ATP6V1E2: variants seen among roughly 807,000 people sequenced by gnomAD.
ATP6V1E2 encodes ATPase H+ transporting V1 subunit E2.
For synonymous variants in ATP6V1E2, 121 were observed against 104.2 expected, an observed-to-expected ratio of 1.16 and a Z score of -0.98; for missense variants, 308 against 273.3, an observed-to-expected ratio of 1.13 and a Z score of -0.90.
intron 4 of ATP6V1E2, among the ~76,000 whole-genome samples, chr2:46,532,412 T>C (rs1234307888): frequency 6.6e-6 from 1 of 152,016 alleles, no homozygotes; most frequent in Non-Finnish European, 1.5e-5. Context: ...TTTATGTATG[T>C]ATTTATTTAT....
At chr2:46,529,798 T>C (rs898701290) in intron 4 of ATP6V1E2, among the ~76,000 whole-genome samples, 1 of 152,012 alleles carries the variant, frequency 6.6e-6, no homozygotes, top group Non-Finnish European at 1.5e-5. Flanking sequence ...TAACAATTTA[T>C]TGAACCCATG....
rs117736201 is a variant in ATP6V1E2, at chr2:46,521,138, T to C, written c.-101-8326A>G. On this transcript the variant is annotated intron_variant, in intron 4 of 4. Transcript: ENST00000522587. ...TTTTGCTGAGGCCGATATCAAATTC[T>C]TGGGCTCAAGCAATCCTCCCACCTT... 2.7e-3 allele frequency among the ~76,000 whole-genome samples: 407 copies of C among 152,320 alleles called. 14 individuals carry two copies. In the South Asian group the frequency reaches 0.059, roughly 22 times the overall value.
chr2:46,516,740 T>TA (rs36060544), intron 4 of ATP6V1E2, among the ~76,000 whole-genome samples: 44,166 of 150,668 alleles, frequency 0.29, 7,215 homozygotes, highest in Non-Finnish European at 0.38. Flanking sequence ...AACTCTATAT[T>TA]AAAAAAAAAA....
intron 4 of ATP6V1E2, among the ~76,000 whole-genome samples, chr2:46,518,492 C>A (rs201658506): frequency 3.6e-5 from 1 of 28,058 alleles, no homozygotes; most frequent in Non-Finnish European, 6.4e-5. Flanking sequence ...ACACACACAA[C>A]ACACACACAC....
chr2:46,520,802 G>A (rs1349417015), intron 4 of ATP6V1E2, among the ~76,000 whole-genome samples: 1 of 151,954 alleles, frequency 6.6e-6, no homozygotes, highest in Non-Finnish European at 1.5e-5. Flanking sequence ...GCAGATAGGT[G>A]TTCATTTAAC....
chr2:46,541,030 G>C lies in ATP6V1E2; in HGVS notation c.-310+360C>G, dbSNP rs560653964. Among the ~76,000 whole-genome samples, 14 of 152,344 alleles carry C rather than the reference G, an allele frequency of 9.2e-5. No individual in the cohort carries two copies. In the South Asian group the frequency reaches 2.7e-3, roughly 29 times the overall value. ...GGTAACACTGCTAACCAGGGTCAGA[G>C]CTAGGACCAAACTCAGCTCTCCTGG... is the stretch of plus-strand genomic sequence containing the variant. On this transcript the variant is annotated intron_variant, in intron 2 of 4. Coordinates refer to ENST00000522587, the MANE Select transcript of ATP6V1E2 (RefSeq NM_001318063.2).
At position 46,518,490 on chromosome 2, in the gene ATP6V1E2, A is replaced by AACACACACACACACACACAC. The variant is rs10546147; in HGVS notation, c.-101-5698_-101-5679dup. ...AAACATTTGTTACACACACACACAC[A>AACACACACACACACACACAC]ACACACACACACACACACACACACA... is the stretch of plus-strand genomic sequence containing the variant. On this transcript the variant is annotated intron_variant, in intron 4 of 4. Transcript: ENST00000522587. Among the ~76,000 whole-genome samples, 899 of 140,956 alleles carry AACACACACACACACACACAC rather than the reference A, an allele frequency of 6.4e-3. 6 individuals carry two copies. Among genetic ancestry groups the AACACACACACACACACACAC allele is most frequent in the African/African-American group, 0.014 (546 of 38,134 alleles). The allele number at this position is 140,956 out of a possible 152,430, so 92.5% of individuals were successfully genotyped here.
intron 4 of ATP6V1E2, among the ~76,000 whole-genome samples, chr2:46,524,045 T>C (rs574377018): frequency 6.6e-6 from 1 of 152,286 alleles, no homozygotes; most frequent in African/African-American, 2.4e-5. Flanking sequence ...CTATTGTTAG[T>C]GTAAAGGAAT....
At chr2:46,527,044 T>C (rs1468454402) in intron 4 of ATP6V1E2, among the ~76,000 whole-genome samples, 1 of 152,156 alleles carries the variant, frequency 6.6e-6, no homozygotes, top group East Asian at 1.9e-4. Flanking sequence ...ACTTGCTGTT[T>C]TCTGGTTTTG....
At chr2:46,538,967 T>G (rs911952239) in intron 2 of ATP6V1E2, among the ~76,000 whole-genome samples, 3 of 151,944 alleles carry the variant, frequency 2.0e-5, no homozygotes, top group Non-Finnish European at 4.4e-5. Flanking sequence ...AGACTCTGTC[T>G]CAAAAACACA....
intron 4 of ATP6V1E2, chr2:46,518,874 G>A (rs914592315): frequency 6.6e-6 from 1 of 151,270 alleles, no homozygotes; most frequent in Non-Finnish European, 1.5e-5. Context: ...AATGAAAGCA[G>A]ACATAGTACA....
chr2:46,528,736 C>T (rs1297662960), intron 4 of ATP6V1E2, among the ~76,000 whole-genome samples: 6 of 152,236 alleles, frequency 3.9e-5, no homozygotes, highest in African/African-American at 1.4e-4. Context: ...GACAATCTGC[C>T]TCAATTCACC....
rs73927880 is a variant in ATP6V1E2 at position 46,532,182 on chromosome 2, G to A, written c.-102+3631C>T. On this transcript the variant is annotated intron_variant, in intron 4 of 4. Transcript: ENST00000522587. ...GGTTGTCAATTCATTTTGAGTAAAT[G>A]TCTGTATATGTTGAGAGGGAAAGAT... Among the ~76,000 whole-genome samples, 275 of 152,198 alleles carry A rather than the reference G, an allele frequency of 1.8e-3. 2 individuals are homozygous for A. The highest frequency in any genetic ancestry group is 6.2e-3 in the African/African-American group (259 of 41,544).
rs764827891 is a variant in ATP6V1E2, at chr2:46,512,632, G to T, written c.80C>A (p.Ala27Glu). The change falls in exon 5 of 5, where the codon GCA becomes GAA. Residue 27 changes from alanine (A) to glutamate (E), a missense_variant. Transcript: ENST00000522587. ...AFIEQEANEK[A>E]EEIDAKAEEE... is the part of the protein sequence containing the mutation. ...CTCAGCCTTGGCATCGATTTCCTCT[G>T]CTTTCTCATTGGCTTCCTGCTCAAT... 1 of 1,614,138 alleles carries T rather than the reference G, an allele frequency of 6.2e-7. No homozygotes were observed. The highest frequency in any genetic ancestry group is 1.3e-5 in the African/African-American group (1 of 75,018).
intron 4 of ATP6V1E2, among the ~76,000 whole-genome samples, chr2:46,517,827 T>TA (rs1446022909): frequency 6.6e-6 from 1 of 152,072 alleles, no homozygotes; most frequent in Non-Finnish European, 1.5e-5. Flanking sequence ...CATTATTTTT[T>TA]AAAAAAAGAA....
intron 2 of ATP6V1E2, among the ~76,000 whole-genome samples, chr2:46,538,498 A>AT (rs943603142): frequency 6.6e-6 from 1 of 151,800 alleles, no homozygotes; most frequent in Non-Finnish European, 1.5e-5. Flanking sequence ...ACTGGGCAAA[A>AT]AAAAAAGGGG....
intron 2 of ATP6V1E2, among the ~76,000 whole-genome samples, chr2:46,538,499 A>T: frequency 6.6e-6 from 1 of 152,002 alleles, no homozygotes; most frequent in East Asian, 1.9e-4. Flanking sequence ...CTGGGCAAAA[A>T]AAAAAGGGGA....
rs1235423456 is a variant in ATP6V1E2, at chr2:46,535,144, A to C, written c.-102+669T>G. 1 of 152,166 alleles carries C rather than the reference A, an allele frequency of 6.6e-6. No homozygotes were observed. 9.4% of individuals were successfully genotyped at this position (152,166 alleles called of 1,614,324 possible). ...AAGTTAGAGTGATAGGGTTTGCCCC[A>C]TTTGTTCCCTACTTTCAGGAATCAC... On this transcript the variant is annotated intron_variant, in intron 4 of 4. Transcript: ENST00000522587. The surrounding 1 kb of genome is among the most constrained non-coding windows in gnomAD (Gnocchi z 4.4).
chr2:46,523,599 T>C (rs60926335), intron 4 of ATP6V1E2, among the ~76,000 whole-genome samples: 10,886 of 152,238 alleles, frequency 0.072, 1,103 homozygotes, highest in African/African-American at 0.23. Context: ...TATGTCTGTT[T>C]TGGTACCAGT....
Sources: gnomAD v4.1 joint callset for allele counts (sites outside exome capture counted in the v4.1 genomes callset) on GRCh38, gnomAD v4.1.1 for gene constraint, Gnocchi (gnomAD v3.1) non-coding constraint, MANE v1.5 for transcripts, NCBI Gene and HGNC (gene_info 2026-07-23, HGNC 2026-07-21) for gene names.